TOGARAM1: variants seen among roughly 807,000 people sequenced by gnomAD.
The protein encoded by TOGARAM1 is TOG array regulator of axonemal microtubules 1, also known as TOG array regulator of axonemal microtubules protein 1.
Under a neutral mutation model 166.6 loss-of-function variants are expected in TOGARAM1, and 100 were observed. The observed-to-expected ratio is 0.60, with a 90% CI of 0.51 to 0.71. The LOEUF (loss-of-function observed/expected upper bound fraction) is 0.71. TOGARAM1 is among the 30% of genes least tolerant of loss of function. The probability of loss-of-function intolerance (pLI) is 0.00; values close to 1 mark genes in which losing one functional copy is unlikely to be tolerated. For missense variants in TOGARAM1, 2,029 were observed against 2,102.7 expected, an observed-to-expected ratio of 0.96 and a Z score of 0.69; for synonymous variants, 758 against 763.8, an observed-to-expected ratio of 0.99 and a Z score of 0.13.
At chr14:45,011,142 A>G (rs1365219942) in intron 6 of TOGARAM1, among the ~76,000 whole-genome samples, 2 of 152,176 alleles carry the variant, frequency 1.3e-5, no homozygotes, top group African/African-American at 2.4e-5. Context: ...GCCTATAGGT[A>G]TTTATAATGT....
intron 9 of TOGARAM1, among the ~76,000 whole-genome samples, chr14:45,027,717 C>T (rs922832484): frequency 3.3e-5 from 5 of 151,740 alleles, no homozygotes; most frequent in Non-Finnish European, 5.9e-5. Flanking sequence ...AGGAAAAATA[C>T]AAAAATGTAG....
chr14:45,066,525 A>G, intron 16 of TOGARAM1, 53 bp from the exon 17 acceptor site: 1 of 1,424,100 alleles, frequency 7.0e-7, no homozygotes, highest in Non-Finnish European at 9.5e-7. Flanking sequence ...TTTGTATAAT[A>G]GTTTTTATAG....
At chr14:45,022,146 T>C (rs779749100) in intron 7 of TOGARAM1, among the ~76,000 whole-genome samples, 1 of 151,948 alleles carries the variant, frequency 6.6e-6, no homozygotes, top group Non-Finnish European at 1.5e-5. Context: ...CGATAGTCCC[T>C]GGGTTACTGT....
chr14:45,016,116 C>G (rs895484381), intron 7 of TOGARAM1, among the ~76,000 whole-genome samples: 3 of 151,900 alleles, frequency 2.0e-5, no homozygotes, highest in South Asian at 2.1e-4. Flanking sequence ...ACTTGTCAGG[C>G]CAGGCACAGT....
chr14:45,049,953 TA>T (rs1882281057), intron 14 of TOGARAM1, among the ~76,000 whole-genome samples: 1 of 152,224 alleles, frequency 6.6e-6, no homozygotes, highest in African/African-American at 2.4e-5. Flanking sequence ...TTTAAAGTTA[TA>T]AAATTATAAA....
chr14:45,021,349 A>C (rs1270194956), intron 7 of TOGARAM1, among the ~76,000 whole-genome samples: 3 of 152,094 alleles, frequency 2.0e-5, no homozygotes, highest in African/African-American at 7.2e-5. Context: ...CTCCTATATG[A>C]TGGGGCATCA....
At chr14:44,994,019 T>C (rs1374380890) in intron 1 of TOGARAM1, among the ~76,000 whole-genome samples, 1 of 152,356 alleles carries the variant, frequency 6.6e-6, no homozygotes. Context: ...TTTATTCCAT[T>C]ATATCCTTTT....
chr14:44,990,799 T>A (rs534777112), intron 1 of TOGARAM1, among the ~76,000 whole-genome samples: 98 of 151,726 alleles, frequency 6.5e-4, no homozygotes, highest in African/African-American at 1.0e-3. Flanking sequence ...ACAGATATTT[T>A]AAAAAAAACA....
chr14:45,028,140 C>A, intron 9 of TOGARAM1, 36 bp from the exon 10 acceptor site: 1 of 1,524,028 alleles, frequency 6.6e-7, no homozygotes, highest in Non-Finnish European at 8.8e-7. Context: ...TATCAAAGTC[C>A]CTGAATATTT....
intron 3 of TOGARAM1, among the ~76,000 whole-genome samples, chr14:45,001,541 TCAAA>T (rs1887688635): frequency 6.6e-6 from 1 of 151,990 alleles, no homozygotes; most frequent in Non-Finnish European, 1.5e-5. Context: ...TATAAGGAAC[TCAAA>T]CAATTCAATA....
At chr14:45,009,633 G>A (rs1033053167) in intron 6 of TOGARAM1, among the ~76,000 whole-genome samples, 1 of 152,148 alleles carries the variant, frequency 6.6e-6, no homozygotes, top group African/African-American at 2.4e-5. Flanking sequence ...TCATAGCCTT[G>A]TTAGGAGTCT....
At chr14:45,069,925 G>A (rs1242699335) in intron 18 of TOGARAM1, among the ~76,000 whole-genome samples, 6 of 152,194 alleles carry the variant, frequency 3.9e-5, no homozygotes, top group Admixed American at 3.9e-4. Flanking sequence ...GCTCACACCT[G>A]TAATTGCAGC....
chr14:45,001,263 A>G (rs2138827531), intron 3 of TOGARAM1, among the ~76,000 whole-genome samples: 1 of 152,364 alleles, frequency 6.6e-6, no homozygotes, highest in South Asian at 2.1e-4. Context: ...ATCAAAATTT[A>G]TTGAAGACTT....
At position 45,009,036 on chromosome 14, in the gene TOGARAM1, C is replaced by G; in HGVS notation, c.3028C>G (p.Pro1010Ala). Residue 1010 changes from proline (P) to alanine (A), a missense_variant, in exon 6 of 20, where the codon CCG becomes GCG. Pro to Ala is a conservative substitution (Grantham distance 27). Coordinates refer to ENST00000361462, the MANE Select transcript of TOGARAM1 (RefSeq NM_001308120.2). ...AMKLDLTMDS[P>A]SLSSSPNINS... Reference sequence around the variant, plus strand: ...GAAGCTCGACTTGACGATGGACTCCCCGTCTCTGTCTTCCTCACCAAACAT... The same window carrying G: ...GAAGCTCGACTTGACGATGGACTCCGCGTCTCTGTCTTCCTCACCAAACAT... 1 of 1,614,062 alleles carries G rather than the reference C, an allele frequency of 6.2e-7. No homozygotes were observed.
At chr14:45,026,961 T>C (rs1880884288) in intron 8 of TOGARAM1, among the ~76,000 whole-genome samples, 1 of 152,070 alleles carries the variant, frequency 6.6e-6, no homozygotes, top group South Asian at 2.1e-4. Context: ...TGAGCCGAGA[T>C]TGTGCCATTG....
chr14:45,067,205 A>C (rs927593600), intron 17 of TOGARAM1, among the ~76,000 whole-genome samples: 5 of 152,174 alleles, frequency 3.3e-5, no homozygotes, highest in Non-Finnish European at 4.4e-5. Context: ...GAAACAAAGT[A>C]AGAGGATAGC....
intron 13 of TOGARAM1, among the ~76,000 whole-genome samples, chr14:45,045,535 C>CTGTGTG (rs369196409): frequency 0.012 from 361 of 28,930 alleles, 12 homozygotes; most frequent in African/African-American, 0.03. Flanking sequence ...ATTCCATGGT[C>CTGTGTG]TGTGTGTGTA....
intron 16 of TOGARAM1, among the ~76,000 whole-genome samples, chr14:45,064,317 A>G (rs1883040314): frequency 6.6e-6 from 1 of 152,122 alleles, no homozygotes; most frequent in Non-Finnish European, 1.5e-5. Context: ...TAATAAAAAG[A>G]GATGGGGTCT....
chr14:44,979,055 T>C (rs1411550861), intron 1 of TOGARAM1, among the ~76,000 whole-genome samples: 3 of 151,738 alleles, frequency 2.0e-5, no homozygotes, highest in South Asian at 2.1e-4. Context: ...TAGAGTAAGA[T>C]GAATTTTGAT....
Sources: gnomAD v4.1 joint callset for allele counts (sites outside exome capture counted in the v4.1 genomes callset) on GRCh38, gnomAD v4.1.1 for gene constraint, MANE v1.5 for transcripts, NCBI Gene and HGNC (gene_info 2026-07-23, HGNC 2026-07-21) for gene names.